GRAMD4: variants seen among roughly 807,000 people sequenced by gnomAD.
GRAMD4 encodes GRAM domain-containing protein 4.
GRAMD4 carries 25 observed loss-of-function variants against 83.9 expected under a neutral mutation model. The observed-to-expected ratio is 0.30, with a 90% CI of 0.22 to 0.42. GRAMD4 has a LOEUF of 0.42. Ranked by LOEUF, GRAMD4 falls within the 10% of genes least tolerant of loss-of-function variation. The pLI is 1.00. For missense variants in GRAMD4, 593 were observed against 788.7 expected (o/e 0.75, Z 2.97); for synonymous variants, 336 against 320.9 (o/e 1.05, Z -0.50).
chr22:46,591,542 G>A (rs1726189585), intron 1 of GRAMD4, among the ~76,000 whole-genome samples: 1 of 151,904 alleles, frequency 6.6e-6, no homozygotes, highest in South Asian at 2.1e-4. Flanking sequence ...CCCTCATAAA[G>A]GCCACCCCCG....
intron 1 of GRAMD4, among the ~76,000 whole-genome samples, chr22:46,598,927 C>T (rs972150288): frequency 6.6e-6 from 1 of 152,082 alleles, no homozygotes; most frequent in African/African-American, 2.4e-5. Context: ...ACAGGAGCCG[C>T]CCTGCACCCA....
At chr22:46,582,113 T>C (rs1053193975) in intron 1 of GRAMD4, among the ~76,000 whole-genome samples, 1 of 151,716 alleles carries the variant, frequency 6.6e-6, no homozygotes, top group Non-Finnish European at 1.5e-5. Context: ...GGTCGAGGAG[T>C]GAGGGCTTCT....
In GRAMD4 at chr22:46,666,180, G is replaced by A. The variant is rs2082406190; in HGVS notation, c.809+474G>A. 3.9e-5 allele frequency among the ~76,000 whole-genome samples: 6 copies of A among 152,298 alleles called. No homozygotes were observed. The South Asian group carries it at 1.0e-3, about 26-fold the overall frequency. On this transcript the variant is annotated intron_variant, in intron 9 of 18. Coordinates refer to ENST00000406902, the MANE Select transcript of GRAMD4 (RefSeq NM_015124.5). The stretch of plus-strand genomic sequence containing the variant: ...AACCCTGGCCTGAGTCAGGGCTCTC[G>A]TGTCACCCCTTATGCCCCCTCTGAG...
intron 3 of GRAMD4, among the ~76,000 whole-genome samples, chr22:46,657,689 C>T (rs2082264414): frequency 6.6e-6 from 1 of 152,250 alleles, no homozygotes; most frequent in Admixed American, 6.5e-5. Context: ...CCGTGCTCTT[C>T]TCAGGCCCCC....
At chr22:46,590,234 CTG>C (rs900893978) in intron 1 of GRAMD4, among the ~76,000 whole-genome samples, 1 of 152,186 alleles carries the variant, frequency 6.6e-6, no homozygotes, top group Non-Finnish European at 1.5e-5. Context: ...AGCTGGGAGT[CTG>C]ACTGTGACAG....
At chr22:46,668,595 A>C in intron 11 of GRAMD4, 94 bp from the exon 12 acceptor site, 1 of 1,160,976 alleles carries the variant, frequency 8.6e-7, no homozygotes, top group Non-Finnish European at 1.3e-6. Flanking sequence ...GAGTGACCTC[A>C]GGGCTGCCCG....
intron 1 of GRAMD4, among the ~76,000 whole-genome samples, chr22:46,585,767 G>C (rs746421112): frequency 6.6e-6 from 1 of 152,200 alleles, no homozygotes; most frequent in South Asian, 2.1e-4. Context: ...GGGAGGGAGC[G>C]ACAAGGAGGG....
rs1315456466 is a variant in GRAMD4 at position 46,677,200 on chromosome 22, C to T, written c.1686C>T (p.Leu562=). Residue 562 remains leucine, a synonymous_variant, in exon 19 of 19, where the codon CTC becomes CTT. Coordinates refer to ENST00000406902, the MANE Select transcript of GRAMD4 (RefSeq NM_015124.5). ...VHRDEAFETI[L]SQYIKITSAA... ...GGGATGAGGCCTTCGAGACCATTCT[C>T]AGCCAGTACATCAAGATCACCTCAG... is the stretch of plus-strand genomic sequence containing the variant. 1.2e-6 allele frequency: 2 copies of T among 1,613,750 alleles called. No homozygotes were observed. The highest frequency in any genetic ancestry group is 1.7e-6 in the Non-Finnish European group (2 of 1,179,946).
upstream of GRAMD4, among the ~76,000 whole-genome samples, chr22:46,615,788 AG>A (rs1569262040): frequency 0.038 from 682 of 17,778 alleles, 313 homozygotes; most frequent in Middle Eastern, 0.083. Context: ...CTGTGCGTGT[AG>A]GTTCCCCCGT....
intron 1 of GRAMD4, among the ~76,000 whole-genome samples, chr22:46,626,141 G>A (rs555579971): frequency 3.9e-5 from 6 of 152,328 alleles, no homozygotes; most frequent in Admixed American, 1.3e-4. Context: ...CCTGGGAGCC[G>A]GGGCCAGGTG....
At chr22:46,673,908 G>C in intron 15 of GRAMD4, 94 bp downstream of exon 15, 3 of 1,381,920 alleles carry the variant, frequency 2.2e-6, no homozygotes, top group Non-Finnish European at 3.0e-6. Flanking sequence ...GGGTCGCCCT[G>C]TGACAGGCCA....
intron 13 of GRAMD4, among the ~76,000 whole-genome samples, chr22:46,670,621 C>T (rs74926053): frequency 1.3e-5 from 2 of 151,668 alleles, no homozygotes; most frequent in African/African-American, 4.8e-5. Context: ...CCTTTTTTTT[C>T]AAGACAGCGT....
At chr22:46,668,770 C>T in intron 12 of GRAMD4, 29 bp from the exon 13 acceptor site, 1 of 1,243,552 alleles carries the variant, frequency 8.0e-7, no homozygotes. Context: ...GCGGCGCCCG[C>T]CCGGCCTGAG....
intron 1 of GRAMD4, among the ~76,000 whole-genome samples, chr22:46,578,187 C>T (rs1289667208): frequency 6.6e-6 from 1 of 152,180 alleles, no homozygotes; most frequent in Non-Finnish European, 1.5e-5. Context: ...GGGTTCCCTT[C>T]TTGCCTGCCT....
chr22:46,588,758 A>G (rs1265144263), intron 1 of GRAMD4, among the ~76,000 whole-genome samples: 1 of 152,054 alleles, frequency 6.6e-6, no homozygotes, highest in African/African-American at 2.4e-5. Flanking sequence ...TCCCTGACAC[A>G]GGTCTCAGGA....
intron 11 of GRAMD4, among the ~76,000 whole-genome samples, chr22:46,668,379 G>C (rs1312958500): frequency 1.3e-5 from 2 of 152,180 alleles, no homozygotes; most frequent in African/African-American, 2.4e-5. Flanking sequence ...CTGGTGGTTG[G>C]GGAAGGGGCC....
rs553242511 is a variant in GRAMD4, at chr22:46,650,854, G to A, written c.284-7333G>A. 1.4e-4 allele frequency among the ~76,000 whole-genome samples: 21 copies of A among 152,330 alleles called. No homozygotes were observed. In the South Asian group the frequency reaches 4.4e-3, roughly 32 times the overall value. On this transcript the variant is annotated intron_variant, in intron 3 of 18. Transcript: ENST00000406902. ...CAGGACCAGAGTCACTCTTCCTTGTGAGCGTCCCTAAACCTTGCGCTAGAG... is the reference window on the plus strand; with the variant it reads ...CAGGACCAGAGTCACTCTTCCTTGTAAGCGTCCCTAAACCTTGCGCTAGAG...
At chr22:46,597,736 G>A (rs534949582) in intron 1 of GRAMD4, among the ~76,000 whole-genome samples, 2 of 152,258 alleles carry the variant, frequency 1.3e-5, no homozygotes, top group South Asian at 2.1e-4. Flanking sequence ...TGATCTGCCC[G>A]CTTCGGCCTC....
At chr22:46,653,202 G>A (rs897172728) in intron 3 of GRAMD4, among the ~76,000 whole-genome samples, 20 of 152,246 alleles carry the variant, frequency 1.3e-4, no homozygotes, top group Non-Finnish European at 2.5e-4. Flanking sequence ...TGTCCGAGGA[G>A]CCCTGTCTGC....
Sources: gnomAD v4.1 joint callset for allele counts (sites outside exome capture counted in the v4.1 genomes callset) on GRCh38, gnomAD v4.1.1 for gene constraint, MANE v1.5 for transcripts, NCBI Gene and HGNC (gene_info 2026-07-23, HGNC 2026-07-21) for gene names.